The following KIAA2012 variants were observed in gnomAD, a reference collection of about 807,000 sequenced individuals.
KIAA2012 encodes the protein KIAA2012.
In KIAA2012, 125 loss-of-function variants were observed where a neutral mutation model predicts 150.6. That is an observed-to-expected ratio of 0.83 (90% CI 0.72 to 0.96). The LOEUF (loss-of-function observed/expected upper bound fraction) is 0.96, where lower values mean the gene tolerates loss of function less well. KIAA2012 is among the 40% of genes least tolerant of loss of function. The pLI is 0.00. For missense variants in KIAA2012, 1,219 were observed against 1,354.9 expected, an observed-to-expected ratio of 0.90 and a Z score of 1.57; for synonymous variants, 462 against 504.7, an observed-to-expected ratio of 0.92 and a Z score of 1.13.
chr2:202,202,677 C>G (rs982033738), intron 23 of KIAA2012, 90 bp downstream of exon 23: 5 of 394,452 alleles, frequency 1.3e-5, no homozygotes, highest in African/African-American at 1.0e-4. Flanking sequence ...CATGTAATCC[C>G]AACACTTTGA....
chr2:202,128,572 A>G lies in KIAA2012; in HGVS notation c.1831+3290A>G, dbSNP rs187427157. On this transcript the variant is annotated intron_variant, in intron 12 of 23. Transcript: ENST00000498697. ...CAGGCGTGAGGCACCACACTCAGTC[A>G]CTAGACTGCAATCTTTTTAAGGGCA... is the stretch of plus-strand genomic sequence containing the variant. Among the ~76,000 whole-genome samples the G allele has an allele frequency of 9.2e-5, 14 of 152,120 alleles. No homozygotes were observed. The South Asian group carries it at 1.5e-3, about 16-fold the overall frequency.
chr2:202,185,129 C>T (rs1252868969), intron 16 of KIAA2012, among the ~76,000 whole-genome samples: 2 of 152,072 alleles, frequency 1.3e-5, no homozygotes, highest in Non-Finnish European at 2.9e-5. Flanking sequence ...ATCTGAGATC[C>T]ACAGAGATGC....
intron 10 of KIAA2012, among the ~76,000 whole-genome samples, chr2:202,111,277 A>C (rs1384368292): frequency 1.3e-5 from 2 of 151,040 alleles, no homozygotes; most frequent in African/African-American, 2.4e-5. Context: ...TGGGCGGATC[A>C]CAAGGTCAGG....
chr2:202,138,057 T>G (rs1396684006), intron 12 of KIAA2012: 1 of 163,908 alleles, frequency 6.1e-6, no homozygotes, highest in Non-Finnish European at 1.3e-5. Context: ...TTCAGTGAAG[T>G]GCAGTCATAC....
chr2:202,100,231 T>C, intron 6 of KIAA2012, 76 bp from the exon 7 acceptor site: 1 of 1,433,534 alleles, frequency 7.0e-7, no homozygotes, highest in South Asian at 1.3e-5. Flanking sequence ...AACTACGACG[T>C]GATAAAAGTC....
chr2:202,092,887 A>T (rs942341445), intron 3 of KIAA2012, 143 bp from the exon 4 acceptor site: 1 of 679,108 alleles, frequency 1.5e-6, no homozygotes, highest in Non-Finnish European at 2.4e-6. Flanking sequence ...TGACTTTTTA[A>T]TCTCCCTCAT....
intron 22 of KIAA2012, among the ~76,000 whole-genome samples, chr2:202,202,098 T>C (rs1427077111): frequency 6.6e-6 from 1 of 152,240 alleles, no homozygotes; most frequent in Admixed American, 6.5e-5. Context: ...CCTATCTGCC[T>C]GCCTCTACCT....
In KIAA2012 at chr2:202,103,091, C is replaced by A. The variant is rs1690091264; in HGVS notation, c.1301C>A (p.Pro434Gln). 2 of 1,550,458 alleles carry A rather than the reference C, an allele frequency of 1.3e-6. No individual in the cohort carries two copies. Among genetic ancestry groups the A allele is most frequent in the African/African-American group, 2.7e-5 (2 of 73,026 alleles). ...ATTCATTACCACACCAAACAACCCC[C>A]AAAAGAGAAAGCCCACAGAAGAGGT... ...VEIHYHTKQP[P>Q]KEKAHRRGAP... The change falls in exon 8 of 24, where the codon CCA becomes CAA. Residue 434 changes from proline to glutamine, a missense_variant. Physicochemically the swap from Pro to Gln is moderately conservative, Grantham distance 76. Coordinates refer to ENST00000498697, the MANE Select transcript of KIAA2012 (RefSeq NM_001277372.4).
At chr2:202,083,033 C>T (rs1689486269) in intron 2 of KIAA2012, among the ~76,000 whole-genome samples, 1 of 152,146 alleles carries the variant, frequency 6.6e-6, no homozygotes, top group Admixed American at 6.5e-5. Context: ...ATTTTTGCTG[C>T]TAGCAATCCT....
chr2:202,179,484 A>G, intron 15 of KIAA2012: 2 of 705,256 alleles, frequency 2.8e-6, no homozygotes, highest in South Asian at 2.7e-5. Flanking sequence ...AGTGTAGACA[A>G]AGTGGAACCA....
intron 15 of KIAA2012, among the ~76,000 whole-genome samples, chr2:202,181,780 CTTGT>C (rs1199184231): frequency 1.6e-4 from 24 of 152,018 alleles, no homozygotes; most frequent in Middle Eastern, 3.4e-3. Context: ...TTTTTTGGTT[CTTGT>C]TTGTTTTTAC....
chr2:202,095,989 C>T (rs1220722385), intron 4 of KIAA2012, among the ~76,000 whole-genome samples: 1 of 152,114 alleles, frequency 6.6e-6, no homozygotes, highest in East Asian at 1.9e-4. Flanking sequence ...GAGGCTGAGG[C>T]AGGAGAATCG....
intron 13 of KIAA2012, among the ~76,000 whole-genome samples, chr2:202,150,089 T>C (rs529239571): frequency 6.6e-6 from 1 of 152,374 alleles, no homozygotes; most frequent in African/African-American, 2.4e-5. Context: ...TACAGCAAGA[T>C]AATAATCCTG....
intron 2 of KIAA2012, among the ~76,000 whole-genome samples, chr2:202,081,045 T>G (rs1689440440): frequency 6.6e-6 from 1 of 152,244 alleles, no homozygotes; most frequent in South Asian, 2.1e-4. Flanking sequence ...CTGCTGTCTC[T>G]GTGAATTTGA....
At chr2:202,162,237 TAG>T (rs1297372939) in intron 14 of KIAA2012, among the ~76,000 whole-genome samples, 1 of 152,104 alleles carries the variant, frequency 6.6e-6, no homozygotes, top group Non-Finnish European at 1.5e-5. Context: ...ATGCAAATCT[TAG>T]CATATTATAC....
At chr2:202,115,100 T>G (rs1233591651) in intron 11 of KIAA2012, 1 of 158,102 alleles carries the variant, frequency 6.3e-6, no homozygotes, top group Non-Finnish European at 1.5e-5. Context: ...GGCTTTTTTG[T>G]TTGTTTGTTT....
At chr2:202,085,103 A>T (rs1220816423) in intron 2 of KIAA2012, among the ~76,000 whole-genome samples, 2 of 152,228 alleles carry the variant, frequency 1.3e-5, no homozygotes, top group Admixed American at 1.3e-4. Context: ...GGCCTTGGGC[A>T]TCCCTCAGTG....
chr2:202,169,038 C>T (rs774842654), intron 15 of KIAA2012, among the ~76,000 whole-genome samples: 16 of 152,208 alleles, frequency 1.1e-4, no homozygotes, highest in Non-Finnish European at 1.2e-4. Context: ...AGGGTTATTC[C>T]TCTCTGATGG....
At chr2:202,151,671 G>T (rs1201879323) in intron 13 of KIAA2012, among the ~76,000 whole-genome samples, 1 of 152,178 alleles carries the variant, frequency 6.6e-6, no homozygotes, top group Non-Finnish European at 1.5e-5. Context: ...CTGACACATA[G>T]TAGGCACTTA....
Sources: allele counts gnomAD v4.1 joint callset (sites outside exome capture counted in the v4.1 genomes callset), GRCh38; gene constraint gnomAD v4.1.1; transcripts MANE v1.5; gene names NCBI Gene and HGNC (gene_info 2026-07-23, HGNC 2026-07-21).